The following NRXN3 variants were observed in gnomAD, a reference collection of about 807,000 sequenced individuals.
NRXN3 encodes the protein neurexin III.
Under a neutral mutation model 137.6 loss-of-function variants are expected in NRXN3, and 32 were observed. The ratio of observed to expected loss-of-function variants is 0.23; its 90% CI spans 0.18 to 0.31. NRXN3 has a LOEUF of 0.31. NRXN3 is among the 10% of genes least tolerant of loss of function. The pLI, the probability that NRXN3 is intolerant of heterozygous loss-of-function variation, is 1.00. For missense variants in NRXN3, 1,574 were observed against 2,062.5 expected, an observed-to-expected ratio of 0.76 and a Z score of 4.59; for synonymous variants, 798 against 784.5, an observed-to-expected ratio of 1.02 and a Z score of -0.29.
chr14:78,493,941 T>A (rs934014533), intron 4 of NRXN3, among the ~76,000 whole-genome samples: 10 of 152,224 alleles, frequency 6.6e-5, no homozygotes, highest in African/African-American at 2.4e-4. Flanking sequence ...ATTTCTCAGC[T>A]TGGGAAACTG....
At chr14:79,776,478 C>T (rs929417790) in intron 19 of NRXN3, among the ~76,000 whole-genome samples, 3 of 152,198 alleles carry the variant, frequency 2.0e-5, no homozygotes, top group Non-Finnish European at 4.4e-5. Flanking sequence ...ATCAGGATTT[C>T]TTCTTCCATT....
chr14:78,666,345 C>G (rs1198216017), intron 6 of NRXN3, among the ~76,000 whole-genome samples: 1 of 152,108 alleles, frequency 6.6e-6, no homozygotes, highest in Non-Finnish European at 1.5e-5. Context: ...TAAAAAATGC[C>G]TCTTTCCAGG....
chr14:79,244,314 A>C (rs1191170473), intron 15 of NRXN3, among the ~76,000 whole-genome samples: 2 of 152,146 alleles, frequency 1.3e-5, no homozygotes, highest in Admixed American at 6.5e-5. Context: ...CAGAAGCAAA[A>C]CACTTTGCCT....
At chr14:79,670,109 C>A (rs980297804) in intron 17 of NRXN3, among the ~76,000 whole-genome samples, 1 of 152,004 alleles carries the variant, frequency 6.6e-6, no homozygotes, top group Admixed American at 6.6e-5. Flanking sequence ...AAATACATTT[C>A]TCATTCAGTC....
chr14:79,857,676 A>T (rs1377934406), intron 20 of NRXN3, among the ~76,000 whole-genome samples: 2 of 152,032 alleles, frequency 1.3e-5, no homozygotes, highest in African/African-American at 2.4e-5. Flanking sequence ...CAACATATAC[A>T]CTTGTCCCAG....
At chr14:78,319,346 G>A (rs2079062567) in intron 4 of NRXN3, among the ~76,000 whole-genome samples, 1 of 152,166 alleles carries the variant, frequency 6.6e-6, no homozygotes, top group Non-Finnish European at 1.5e-5. Context: ...TATATGACAA[G>A]TGCACATGTG....
chr14:78,882,485 G>A lies in NRXN3; in HGVS notation c.2275+72141G>A, dbSNP rs187557654. Among the ~76,000 whole-genome samples, 11 of 151,960 alleles carry A rather than the reference G, an allele frequency of 7.2e-5. 1 individual carries two copies. Among genetic ancestry groups the A allele is most frequent in the Non-Finnish European group, 1.2e-4 (8 of 68,032 alleles). On this transcript the variant is annotated intron_variant, in intron 10 of 20. Coordinates refer to ENST00000335750, the MANE Select transcript of NRXN3 (RefSeq NM_001330195.2). ...CCACCTCTTGCATCAGCATGCCCTG[G>A]ATGTGAGACATGTAGTCTAAGGAGA...
In NRXN3 at chr14:78,502,804, G is replaced by A. The variant is rs188567819; in HGVS notation, c.758-142316G>A. On this transcript the variant is annotated intron_variant, in intron 4 of 20. Transcript: ENST00000335750. ...TGGAAATTTCAAAGTGCTCAAACAC[G>A]GAGATGAGGAGGCAGAGGGTAAATG... is the stretch of plus-strand genomic sequence containing the variant. Among the ~76,000 whole-genome samples the A allele has an allele frequency of 8.3e-4, 126 of 152,252 alleles. 1 individual carries two copies. Among genetic ancestry groups the A allele is most frequent in the African/African-American group, 2.9e-3 (120 of 41,564 alleles).
chr14:79,678,066 T>G (rs2098650088), intron 17 of NRXN3, among the ~76,000 whole-genome samples: 1 of 152,182 alleles, frequency 6.6e-6, no homozygotes, highest in Admixed American at 6.5e-5. Context: ...ACAATCAATA[T>G]AATTGTACTT....
chr14:78,846,315 T>A (rs2099026775), intron 10 of NRXN3, among the ~76,000 whole-genome samples: 1 of 152,128 alleles, frequency 6.6e-6, no homozygotes, highest in Non-Finnish European at 1.5e-5. Context: ...TCATTTCCTC[T>A]GTCTCCTGGG....
At chr14:79,715,081 G>A (rs2098819098) in intron 19 of NRXN3, among the ~76,000 whole-genome samples, 1 of 152,148 alleles carries the variant, frequency 6.6e-6, no homozygotes, top group African/African-American at 2.4e-5. Flanking sequence ...AGCCTCCTGA[G>A]TAGCTGGGAC....
At chr14:78,674,371 C>T (rs138668068) in intron 6 of NRXN3, among the ~76,000 whole-genome samples, 1 of 152,114 alleles carries the variant, frequency 6.6e-6, no homozygotes, top group Non-Finnish European at 1.5e-5. Flanking sequence ...GGATCCCTGG[C>T]CAATGCACCC....
intron 8 of NRXN3, among the ~76,000 whole-genome samples, chr14:78,729,085 C>A (rs1453221841): frequency 6.6e-6 from 1 of 152,144 alleles, no homozygotes; most frequent in South Asian, 2.1e-4. Context: ...GGCAAAATGC[C>A]TATAATTTTG....
chr14:79,206,041 A>T (rs2066736415), intron 15 of NRXN3, among the ~76,000 whole-genome samples: 1 of 152,146 alleles, frequency 6.6e-6, no homozygotes, highest in African/African-American at 2.4e-5. Context: ...GGAACACACC[A>T]TTCTGCCCTC....
In NRXN3 at chr14:78,425,050, C is replaced by A. The variant is rs184842554; in HGVS notation, c.757+127190C>A. Among the ~76,000 whole-genome samples the A allele has an allele frequency of 1.1e-3, 167 of 152,288 alleles. 1 individual carries two copies. Among genetic ancestry groups the A allele is most frequent in the African/African-American group, 3.9e-3 (162 of 41,568 alleles). On this transcript the variant is annotated intron_variant, in intron 4 of 20. Coordinates refer to ENST00000335750, the MANE Select transcript of NRXN3 (RefSeq NM_001330195.2). ...AGATGGATCTACAAATTGGACTGAA[C>A]TACAGCCTCAGAAGTTTATAAGGAG...
intron 10 of NRXN3, among the ~76,000 whole-genome samples, chr14:78,879,127 G>T (rs973264713): frequency 6.6e-6 from 1 of 152,156 alleles, no homozygotes; most frequent in African/African-American, 2.4e-5. Flanking sequence ...CACTTAGGTT[G>T]ATTCCGTATG....
chr14:78,401,984 G>A (rs1042264577), intron 4 of NRXN3, among the ~76,000 whole-genome samples: 5 of 152,206 alleles, frequency 3.3e-5, no homozygotes, highest in Non-Finnish European at 7.3e-5. Flanking sequence ...GGGAATTATT[G>A]CATGCTTTAA....
At chr14:78,416,667 C>T (rs1029330982) in intron 4 of NRXN3, among the ~76,000 whole-genome samples, 2 of 152,212 alleles carry the variant, frequency 1.3e-5, no homozygotes, top group African/African-American at 4.8e-5. Flanking sequence ...ATAACTAATG[C>T]ATGCCATTGG....
chr14:78,452,700 A>G (rs2094579191), intron 4 of NRXN3, among the ~76,000 whole-genome samples: 1 of 152,222 alleles, frequency 6.6e-6, no homozygotes, highest in Non-Finnish European at 1.5e-5. Flanking sequence ...AAGTTTTTTC[A>G]TAAAGTGGTG....
Sources: allele counts gnomAD v4.1 joint callset (sites outside exome capture counted in the v4.1 genomes callset), GRCh38; gene constraint gnomAD v4.1.1; transcripts MANE v1.5; gene names NCBI Gene and HGNC (gene_info 2026-07-23, HGNC 2026-07-21).